CACNA1C: variants seen among roughly 807,000 people sequenced by gnomAD.
CACNA1C encodes the protein calcium voltage-gated channel subunit alpha1 C.
CACNA1C carries 30 observed loss-of-function variants against 229.0 expected under a neutral mutation model. That is an observed-to-expected ratio of 0.13 (90% confidence interval 0.10 to 0.18). The LOEUF (loss-of-function observed/expected upper bound fraction) is 0.18. Ranked by LOEUF, CACNA1C falls within the 10% of genes least tolerant of loss-of-function variation. CACNA1C has a pLI of 1.00. For missense variants in CACNA1C, 1,658 were observed against 2,845.0 expected, an observed-to-expected ratio of 0.58 and a Z score of 9.49; for synonymous variants, 1,114 against 1,132.5, an observed-to-expected ratio of 0.98 and a Z score of 0.33.
intron 3 of CACNA1C, among the ~76,000 whole-genome samples, chr12:2,393,811 A>G (rs1490069201): frequency 2.6e-5 from 4 of 152,092 alleles, no homozygotes; most frequent in Non-Finnish European, 4.4e-5. Context: ...TTAGGCTGAA[A>G]AGGGACACTG....
chr12:2,074,412 G>A (rs1454778382), intron 1 of CACNA1C, among the ~76,000 whole-genome samples: 1 of 152,148 alleles, frequency 6.6e-6, no homozygotes, highest in Non-Finnish European at 1.5e-5. Flanking sequence ...TGACAGATTT[G>A]TTTCCAGCAT....
rs201730607 is a variant in CACNA1C at position 2,347,415 on chromosome 12, AT to A, written c.478-101560del. Among the ~76,000 whole-genome samples, 859 of 152,310 alleles carry A rather than the reference AT, an allele frequency of 5.6e-3. 4 individuals are homozygous for A. Among genetic ancestry groups the A allele is most frequent in the Non-Finnish European group, 9.8e-3 (669 of 68,022 alleles). On this transcript the variant is annotated intron_variant, in intron 3 of 46. Coordinates refer to ENST00000399655, the MANE Select transcript of CACNA1C (RefSeq NM_000719.7). The stretch of plus-strand genomic sequence containing the variant: ...ATGCTGCTGACAACTGTTTAAACTT[AT>A]CCTTTCTGGAGGGAGATGGGGAAAG...
chr12:2,326,543 G>A (rs1237501711), intron 3 of CACNA1C, among the ~76,000 whole-genome samples: 1 of 152,134 alleles, frequency 6.6e-6, no homozygotes, highest in African/African-American at 2.4e-5. Context: ...CTCATTAGAG[G>A]GGCTGCCACT....
At chr12:2,416,128 G>GC (rs1270756773) in intron 3 of CACNA1C, among the ~76,000 whole-genome samples, 1 of 152,156 alleles carries the variant, frequency 6.6e-6, no homozygotes, top group African/African-American at 2.4e-5. Flanking sequence ...GCCTCTCTCA[G>GC]CCCTGGTTGT....
chr12:2,432,280 G>C (rs528332423), intron 3 of CACNA1C, among the ~76,000 whole-genome samples: 1 of 152,198 alleles, frequency 6.6e-6, no homozygotes, highest in Non-Finnish European at 1.5e-5. Context: ...AAGAGGCCAG[G>C]AGCAGTTATT....
At chr12:2,552,870 G>C (rs917475226) in intron 10 of CACNA1C, among the ~76,000 whole-genome samples, 1 of 152,192 alleles carries the variant, frequency 6.6e-6, no homozygotes, top group Non-Finnish European at 1.5e-5. Context: ...AGTAGCATGA[G>C]TGTGGGAAGC....
At chr12:2,565,207 G>A (rs190059063) in intron 11 of CACNA1C, among the ~76,000 whole-genome samples, 371 of 152,232 alleles carry the variant, frequency 2.4e-3, no homozygotes, top group Non-Finnish European at 3.4e-3. Context: ...GGTGGCTCAC[G>A]CCTGTAATCC....
At chr12:2,004,963 A>C (rs1237830601) in intron 1 of CACNA1C, among the ~76,000 whole-genome samples, 1 of 59,064 alleles carries the variant, frequency 1.7e-5, no homozygotes, top group African/African-American at 6.3e-5. Flanking sequence ...CTGCAAGGTC[A>C]AAAAAAAAAC....
intron 3 of CACNA1C, among the ~76,000 whole-genome samples, chr12:2,308,726 A>T (rs2095247009): frequency 6.6e-6 from 1 of 152,266 alleles, no homozygotes; most frequent in Non-Finnish European, 1.5e-5. Context: ...TAAAGAAGAC[A>T]TGCAAATGCC....
At chr12:2,230,648 G>A (rs185570802) in intron 3 of CACNA1C, among the ~76,000 whole-genome samples, 1 of 152,312 alleles carries the variant, frequency 6.6e-6, no homozygotes, top group Admixed American at 6.5e-5. Context: ...GGAGGCCTGG[G>A]CCTTCTGGAG....
Position 2,653,771 on chromosome 12 carries a change from T to G in CACNA1C, c.4075-64T>G. The G allele has an allele frequency of 6.9e-7, 1 of 1,457,454 alleles. No homozygotes were observed. Among genetic ancestry groups the G allele is most frequent in the Non-Finnish European group, 9.6e-7 (1 of 1,041,686 alleles). The allele number at this position is 1,457,454 out of a possible 1,614,324, so 90.3% of individuals were successfully genotyped here. On this transcript the variant is annotated intron_variant, in intron 32 of 46. Transcript: ENST00000399655. The surrounding 1 kb of genome is among the most constrained non-coding windows in gnomAD (Gnocchi z 4.7). ...GCAGAGACAGGGATGCGGCGCTCCC[T>G]GGGAAGGGGCCCAGCTGGCCTCTGC...
intron 3 of CACNA1C, among the ~76,000 whole-genome samples, chr12:2,192,017 CACAT>C (rs995531037): frequency 4.6e-5 from 7 of 151,694 alleles, no homozygotes; most frequent in African/African-American, 1.7e-4. Flanking sequence ...CATACGTTCA[CACAT>C]ATACACGCAC....
At chr12:1,984,803 G>GAATT (rs2037203547) in intron 1 of CACNA1C, among the ~76,000 whole-genome samples, 1 of 115,956 alleles carries the variant, frequency 8.6e-6, no homozygotes. Flanking sequence ...AAAAAAAAAG[G>GAATT]TTCTTTTTAT....
chr12:2,622,811 G>A (rs908023659), intron 29 of CACNA1C, among the ~76,000 whole-genome samples: 1 of 151,968 alleles, frequency 6.6e-6, no homozygotes, highest in Non-Finnish European at 1.5e-5. Flanking sequence ...CCTGTGTTCC[G>A]CCCCTACAAT....
At chr12:2,511,909 A>G (rs2099784939) in intron 8 of CACNA1C, among the ~76,000 whole-genome samples, 1 of 152,198 alleles carries the variant, frequency 6.6e-6, no homozygotes, top group South Asian at 2.1e-4. Flanking sequence ...AATCAAATGC[A>G]TCATTTAACT....
intron 1 of CACNA1C, among the ~76,000 whole-genome samples, chr12:1,979,945 C>A (rs961698938): frequency 6.6e-6 from 1 of 151,894 alleles, no homozygotes; most frequent in Non-Finnish European, 1.5e-5. Flanking sequence ...CTTCAGAATT[C>A]CCAGAAAATT....
intron 9 of CACNA1C, among the ~76,000 whole-genome samples, chr12:2,525,268 G>A (rs1039810190): frequency 1.6e-4 from 24 of 152,180 alleles, no homozygotes; most frequent in African/African-American, 5.5e-4. Flanking sequence ...AGCTGGAGGC[G>A]GAGTGGGGGT....
chr12:2,459,771 G>A (rs1329586020), intron 5 of CACNA1C, among the ~76,000 whole-genome samples: 1 of 152,196 alleles, frequency 6.6e-6, no homozygotes, highest in African/African-American at 2.4e-5. Context: ...CAGTGTGTCA[G>A]TGATAGCAAC....
intron 10 of CACNA1C, among the ~76,000 whole-genome samples, chr12:2,552,606 A>G (rs1434766192): frequency 1.3e-5 from 2 of 152,194 alleles, no homozygotes; most frequent in African/African-American, 2.4e-5. Flanking sequence ...CGACGTCAGG[A>G]AAAGAGCAGG....
Sources: gnomAD v4.1 joint callset for allele counts (sites outside exome capture counted in the v4.1 genomes callset) on GRCh38, gnomAD v4.1.1 for gene constraint, Gnocchi (gnomAD v3.1) non-coding constraint, MANE v1.5 for transcripts, NCBI Gene and HGNC (gene_info 2026-07-23, HGNC 2026-07-21) for gene names.